The following GALNTL6 variants were observed in gnomAD, a reference collection of about 807,000 sequenced individuals.
GALNTL6 encodes polypeptide N-acetylgalactosaminyltransferase-like 6.
A neutral mutation model predicts 73.7 loss-of-function variants in GALNTL6; 46 were observed. The ratio of observed to expected loss-of-function variants is 0.62; its 90% CI spans 0.49 to 0.80. The LOEUF is 0.80. Among genes scored for constraint, GALNTL6 ranks in the 30% least tolerant of loss-of-function variants. GALNTL6 has a pLI of 0.00. For synonymous variants in GALNTL6, 259 were observed against 263.7 expected (o/e 0.98, Z 0.17); for missense variants, 604 against 755.0 (o/e 0.80, Z 2.34).
At chr4:172,927,524 C>T (rs1252037536) in intron 8 of GALNTL6, among the ~76,000 whole-genome samples, 7 of 151,030 alleles carry the variant, frequency 4.6e-5, no homozygotes, top group East Asian at 3.9e-4. Flanking sequence ...TTTTGTGGGC[C>T]GCAAATTCAA....
chr4:172,038,584 A>G (rs1266180140), intron 2 of GALNTL6, among the ~76,000 whole-genome samples: 2 of 152,192 alleles, frequency 1.3e-5, no homozygotes, highest in Non-Finnish European at 2.9e-5. Flanking sequence ...TTAGTCCACA[A>G]ATTAATACAT....
intron 2 of GALNTL6, among the ~76,000 whole-genome samples, chr4:172,123,348 T>C (rs900848556): frequency 6.6e-6 from 1 of 152,070 alleles, no homozygotes; most frequent in Middle Eastern, 3.2e-3. Context: ...AGGGATCAAA[T>C]AGAGAGAAAA....
At chr4:171,966,683 T>C (rs1739391564) in intron 2 of GALNTL6, among the ~76,000 whole-genome samples, 1 of 152,192 alleles carries the variant, frequency 6.6e-6, no homozygotes, top group South Asian at 2.1e-4. Flanking sequence ...ATTTTATAGT[T>C]GTGAATTTGG....
intron 2 of GALNTL6, among the ~76,000 whole-genome samples, chr4:172,143,852 T>C (rs897840345): frequency 6.6e-6 from 1 of 152,158 alleles, no homozygotes; most frequent in Non-Finnish European, 1.5e-5. Context: ...CTTCTTTTTT[T>C]CCCTTGGGGC....
At chr4:172,960,997 AGGGG>A (rs1750021652) in intron 10 of GALNTL6, among the ~76,000 whole-genome samples, 1 of 112,450 alleles carries the variant, frequency 8.9e-6, no homozygotes, top group African/African-American at 3.5e-5. Flanking sequence ...CACGGGGAGA[AGGGG>A]TTGGGGGGTT....
intron 2 of GALNTL6, among the ~76,000 whole-genome samples, chr4:172,077,596 T>C (rs1731739135): frequency 6.6e-6 from 1 of 151,956 alleles, no homozygotes; most frequent in Non-Finnish European, 1.5e-5. Context: ...TCTAAAAGAG[T>C]ATATTTGTAT....
intron 5 of GALNTL6, among the ~76,000 whole-genome samples, chr4:172,808,255 G>A (rs1741084094): frequency 6.6e-6 from 1 of 152,200 alleles, no homozygotes; most frequent in Non-Finnish European, 1.5e-5. Context: ...TAAGAAGTGA[G>A]AATGAACCTC....
At chr4:171,818,218 T>C (rs1035593160) in intron 2 of GALNTL6, among the ~76,000 whole-genome samples, 3 of 151,800 alleles carry the variant, frequency 2.0e-5, no homozygotes, top group African/African-American at 4.8e-5. Context: ...GTTAGGATGA[T>C]ACATAGAATA....
chr4:172,235,148 ATAT>A lies in GALNTL6; in HGVS notation c.247+5386_247+5388del, dbSNP rs1352422809. ...CTTAAATTTATATTACTTTTTTCAG[ATAT>A]TGTTAGTTTTTTTTTTCTTTTTGCT... On this transcript the variant is annotated intron_variant, in intron 3 of 12. Transcript: ENST00000506823. Among the ~76,000 whole-genome samples the A allele has an allele frequency of 1.1e-4, 7 of 64,902 alleles. No individual in the cohort carries two copies. The South Asian group carries it at 2.5e-3, about 23-fold the overall frequency. 42.6% of individuals were successfully genotyped at this position (64,902 alleles called of 152,430 possible). A position where few individuals can be genotyped will look rare whatever the true frequency, so the allele number is the denominator to read the frequency against.
chr4:172,978,451 A>G (rs1750930998), intron 10 of GALNTL6, among the ~76,000 whole-genome samples: 1 of 152,078 alleles, frequency 6.6e-6, no homozygotes, highest in Non-Finnish European at 1.5e-5. Flanking sequence ...AAACCCTCCT[A>G]ATTGTGCACA....
chr4:172,660,580 A>C (rs148407388), intron 5 of GALNTL6, among the ~76,000 whole-genome samples: 1 of 152,278 alleles, frequency 6.6e-6, no homozygotes, highest in East Asian at 1.9e-4. Context: ...GCTAACAGTG[A>C]GTGAGTTATA....
chr4:172,052,474 C>A (rs767293087), intron 2 of GALNTL6: 282 of 1,535,082 alleles, frequency 1.8e-4, no homozygotes, highest in Non-Finnish European at 2.3e-4. Flanking sequence ...CCGGAGCTGG[C>A]CACCAGAGGA....
chr4:171,820,723 G>T (rs905661828), intron 2 of GALNTL6, among the ~76,000 whole-genome samples: 8 of 152,150 alleles, frequency 5.3e-5, no homozygotes, highest in African/African-American at 1.9e-4. Flanking sequence ...TAGTCTGTTA[G>T]TATGGCACAG....
intron 2 of GALNTL6, among the ~76,000 whole-genome samples, chr4:172,058,278 T>A (rs1324574368): frequency 6.6e-6 from 1 of 152,076 alleles, no homozygotes; most frequent in East Asian, 1.9e-4. Context: ...TTTAAAAGTA[T>A]TTTTTCTAGT....
chr4:172,426,544 A>G (rs1415248665), intron 5 of GALNTL6, among the ~76,000 whole-genome samples: 1 of 152,160 alleles, frequency 6.6e-6, no homozygotes, highest in African/African-American at 2.4e-5. Flanking sequence ...AAGTAAAACA[A>G]GCAAAATAGA....
chr4:172,613,532 T>G lies in GALNTL6; in HGVS notation c.554-195829T>G, dbSNP rs1455128. ...TGTCATAGAAAGCCTCAGAAGATAATTTTGAAGGGAAGCATAAGACATGAT... is the reference window on the plus strand; with the variant it reads ...TGTCATAGAAAGCCTCAGAAGATAAGTTTGAAGGGAAGCATAAGACATGAT... On this transcript the variant is annotated intron_variant, in intron 5 of 12. Coordinates refer to ENST00000506823, the MANE Select transcript of GALNTL6 (RefSeq NM_001034845.3). Among the ~76,000 whole-genome samples the G allele has an allele frequency of 3.3e-3, 499 of 152,064 alleles. 5 individuals are homozygous for G. Among genetic ancestry groups the G allele is most frequent in the African/African-American group, 0.011 (475 of 41,498 alleles).
intron 3 of GALNTL6, among the ~76,000 whole-genome samples, chr4:172,297,642 G>T (rs942160009): frequency 6.6e-6 from 1 of 152,118 alleles, no homozygotes; most frequent in Non-Finnish European, 1.5e-5. Flanking sequence ...TATCAGGTTT[G>T]TCAAAAATCA....
intron 5 of GALNTL6, among the ~76,000 whole-genome samples, chr4:172,444,187 T>C (rs1731938106): frequency 6.6e-6 from 1 of 152,246 alleles, no homozygotes; most frequent in Non-Finnish European, 1.5e-5. Flanking sequence ...TGTGAAATGC[T>C]AGATGATTGA....
At chr4:172,080,527 T>C (rs939544804) in intron 2 of GALNTL6, among the ~76,000 whole-genome samples, 12 of 152,286 alleles carry the variant, frequency 7.9e-5, no homozygotes, top group African/African-American at 2.6e-4. Context: ...GGTACATGTA[T>C]ATAAATTATA....
Sources: gnomAD v4.1 joint callset for allele counts (sites outside exome capture counted in the v4.1 genomes callset) on GRCh38, gnomAD v4.1.1 for gene constraint, MANE v1.5 for transcripts, NCBI Gene and HGNC (gene_info 2026-07-23, HGNC 2026-07-21) for gene names.